The following NCOA4 variants were observed in gnomAD, a reference collection of about 807,000 sequenced individuals.
NCOA4 encodes nuclear receptor coactivator 4.
Under a neutral mutation model 69.5 loss-of-function variants are expected in NCOA4, and 31 were observed. The observed-to-expected ratio is 0.45, with a 90% CI of 0.34 to 0.60. The LOEUF is 0.60. Among genes scored for constraint, NCOA4 ranks in the 20% least tolerant of loss-of-function variants. The pLI is 0.02. For synonymous variants in NCOA4, 228 were observed against 252.4 expected, an observed-to-expected ratio of 0.90 and a Z score of 0.92; for missense variants, 600 against 719.2, an observed-to-expected ratio of 0.83 and a Z score of 1.90.
At chr10:46,009,382 T>C in intron 9 of NCOA4, 29 bp downstream of exon 9, 1 of 1,595,164 alleles carries the variant, frequency 6.3e-7, no homozygotes, top group Non-Finnish European at 8.5e-7. Context: ...AGCTATAATC[T>C]AATTTTCATG....
rs782199847 is a variant in NCOA4 at position 46,010,386 on chromosome 10, G to C, written c.1535C>G (p.Pro512Arg). The C allele has an allele frequency of 6.2e-6, 10 of 1,614,008 alleles. No individual in the cohort carries two copies. The Admixed American group carries it at 1.7e-4, about 27-fold the overall frequency. ...TTTGCCAGCTCTGTCTTCAGTACCAGGCACTTCCTTGGGACTTCCTTCTTT... is the reference window on the plus strand; with the variant it reads ...TTTGCCAGCTCTGTCTTCAGTACCACGCACTTCCTTGGGACTTCCTTCTTT... The part of the protein sequence containing the change: ...PYKEGSPKEV[P>R]GTEDRAGKQK... The change falls in exon 8 of 10, where the codon CCT becomes CGT. Residue 512 changes from proline (P) to arginine (R), a missense_variant. Coordinates refer to ENST00000581486, the MANE Select transcript of NCOA4 (RefSeq NM_001145263.2).
At position 46,016,533 on chromosome 10, in the gene NCOA4, G is replaced by A. The variant is rs782214476; in HGVS notation, c.141+7C>T. 2 of 1,494,826 alleles carry A rather than the reference G, an allele frequency of 1.3e-6. No individual in the cohort carries two copies. The highest frequency in any genetic ancestry group is 1.8e-6 in the Non-Finnish European group (2 of 1,110,362). 92.6% of individuals were successfully genotyped at this position (1,494,826 alleles called of 1,614,324 possible). On this transcript the variant is annotated splice_region_variant and intron_variant, in intron 2 of 9. Transcript: ENST00000581486. ...CAGACAACAGAAGAGAAAAGCACATGTCACACCTCTCGCAAGTTATCTTTA... is the reference window on the plus strand; with the variant it reads ...CAGACAACAGAAGAGAAAAGCACATATCACACCTCTCGCAAGTTATCTTTA...
At chr10:46,020,389 G>A (rs994863128) in intron 1 of NCOA4, among the ~76,000 whole-genome samples, 5 of 152,304 alleles carry the variant, frequency 3.3e-5, no homozygotes, top group South Asian at 4.1e-4. Context: ...AGGTTAAAGT[G>A]AGATATTATA....
chr10:46,013,670 T>C, intron 5 of NCOA4, 31 bp from the exon 6 acceptor site: 1 of 1,487,908 alleles, frequency 6.7e-7, no homozygotes. Context: ...AATCATGTTA[T>C]TTATGCTATG....
At position 46,014,845 on chromosome 10, in the gene NCOA4, G is replaced by A. The variant is rs782364143; in HGVS notation, c.371+9C>T. ...GTCAAAAGTTAAAATACGCAAAAAG[G>A]GTCATTACCTCTCCAGGCACACAGA... is the stretch of plus-strand genomic sequence containing the variant. On this transcript the variant is annotated intron_variant, in intron 4 of 9. Coordinates refer to ENST00000581486, the MANE Select transcript of NCOA4 (RefSeq NM_001145263.2). 6.2e-7 allele frequency: 1 copy of A among 1,609,072 alleles called. No homozygotes were observed. The highest frequency in any genetic ancestry group is 1.7e-5 in the Admixed American group (1 of 59,440).
rs782394483 is a variant in NCOA4, at chr10:46,010,865, T to C, written c.1056A>G (p.Gly352=). ...VKTDSCTNCQ[G]NQPKGVEIEN... The stretch of plus-strand genomic sequence containing the variant: ...CAATCTCCACACCTTTGGGCTGGTT[T>C]CCCTGACAGTTGGTACAGGAGTCAG... Residue 352 remains glycine, a synonymous_variant, in exon 8 of 10, where the codon GGA becomes GGG. Transcript: ENST00000581486. 1.2e-6 allele frequency: 2 copies of C among 1,614,006 alleles called. No individual in the cohort carries two copies. Among genetic ancestry groups the C allele is most frequent in the Non-Finnish European group, 8.5e-7 (1 of 1,179,872 alleles).
chr10:46,027,811 TAA>T (rs1840243387), intron 1 of NCOA4, among the ~76,000 whole-genome samples: 1 of 152,222 alleles, frequency 6.6e-6, no homozygotes, highest in African/African-American at 2.4e-5. Context: ...CTGTATATCC[TAA>T]AGAGTGACAA....
At chr10:46,013,493 C>A (rs1839354939) in intron 6 of NCOA4, 57 bp downstream of exon 6, 1 of 1,296,800 alleles carries the variant, frequency 7.7e-7, no homozygotes, top group Non-Finnish European at 1.1e-6. Context: ...ATATAAAACC[C>A]AAAGGAAGTA....
chr10:46,008,257 A>C (rs1838970263), intron 9 of NCOA4, among the ~76,000 whole-genome samples: 2 of 152,242 alleles, frequency 1.3e-5, no homozygotes, highest in South Asian at 2.1e-4. Context: ...CTAGCTACCT[A>C]GGTTCCTCTG....
intron 6 of NCOA4, 68 bp from the exon 7 acceptor site, chr10:46,013,094 CT>C: frequency 2.0e-6 from 3 of 1,521,648 alleles, no homozygotes; most frequent in Middle Eastern, 1.9e-4. Flanking sequence ...AAGAGCCACT[CT>C]CTAATCTTGG....
chr10:46,024,839 G>A lies in NCOA4; in HGVS notation c.-15+5687C>T, dbSNP rs573379437. On this transcript the variant is annotated intron_variant, in intron 1 of 9. Coordinates refer to ENST00000581486, the MANE Select transcript of NCOA4 (RefSeq NM_001145263.2). The stretch of plus-strand genomic sequence containing the variant: ...AGTAGATCATCTCATCTAAAGCAGC[G>A]TAGCTCTCCTATGGCTCCCCATTTG... Among the ~76,000 whole-genome samples, 12 of 152,252 alleles carry A rather than the reference G, an allele frequency of 7.9e-5. No homozygotes were observed. In the South Asian group the frequency reaches 1.4e-3, roughly 18 times the overall value.
At chr10:46,019,980 T>C (rs1839781669) in intron 1 of NCOA4, among the ~76,000 whole-genome samples, 1 of 152,162 alleles carries the variant, frequency 6.6e-6, no homozygotes, top group African/African-American at 2.4e-5. Flanking sequence ...ACTGTCAGCT[T>C]TCAGAGCCCA....
At chr10:46,011,776 G>C (rs4935213) in intron 7 of NCOA4, among the ~76,000 whole-genome samples, 2 of 151,782 alleles carry the variant, frequency 1.3e-5, no homozygotes, top group Non-Finnish European at 2.9e-5. Flanking sequence ...ATACTTGGCC[G>C]GGTACGGTGG....
intron 1 of NCOA4, among the ~76,000 whole-genome samples, chr10:46,029,888 G>A (rs558486460): frequency 1.5e-4 from 23 of 152,262 alleles, no homozygotes; most frequent in Middle Eastern, 6.8e-3. Context: ...ATGATTGCTG[G>A]TGGAATGAAC....
chr10:46,015,335 A>T (rs1839475015), intron 2 of NCOA4, 69 bp from the exon 3 acceptor site: 5 of 570,422 alleles, frequency 8.8e-6, no homozygotes, highest in East Asian at 8.8e-5. Flanking sequence ...AAGAATAGTG[A>T]GTTTCTAAAA....
At chr10:46,023,504 G>A (rs1840009874) in intron 1 of NCOA4, 1 of 985,438 alleles carries the variant, frequency 1.0e-6, no homozygotes, top group Non-Finnish European at 1.2e-6. Context: ...AGGGCGGGGA[G>A]GAGCGGAAAA....
At position 46,010,991 on chromosome 10, in the gene NCOA4, T is replaced by C. The variant is rs2132321834; in HGVS notation, c.930A>G (p.Glu310=). ...TCTCAGGCTTCCGCAGCTTATGGGA[T>C]TCCTGGGGAGTCACTAGCCAATCTG... ...DLSDWLVTPQ[E]SHKLRKPENG... The change falls in exon 8 of 10, where the codon GAA becomes GAG. Residue 310 remains glutamate, a synonymous_variant. Transcript: ENST00000581486. 3 of 1,613,974 alleles carry C rather than the reference T, an allele frequency of 1.9e-6. No homozygotes were observed. The highest frequency in any genetic ancestry group is 2.2e-5 in the South Asian group (2 of 91,074).
intron 7 of NCOA4, 48 bp from the exon 8 acceptor site, chr10:46,011,254 C>T (rs1839186022): frequency 1.3e-6 from 2 of 1,517,008 alleles, no homozygotes; most frequent in African/African-American, 2.8e-5. Context: ...ATTATGACTG[C>T]TTTGGAGATT....
At position 46,015,207 on chromosome 10, in the gene NCOA4, C is replaced by T. The variant is rs781880811; in HGVS notation, c.201G>A (p.Glu67=). 9.3e-6 allele frequency: 15 copies of T among 1,613,982 alleles called. No homozygotes were observed. The highest frequency in any genetic ancestry group is 2.5e-6 in the Non-Finnish European group (3 of 1,179,994). Residue 67 remains glutamate (E), a synonymous_variant, in exon 3 of 10, where the codon GAG becomes GAA. Coordinates refer to ENST00000581486, the MANE Select transcript of NCOA4 (RefSeq NM_001145263.2). ...SRHLECLRSR[E]VWLYEQVDLI... ...GGTCCACCTGTTCATACAGCCATAC[C>T]TCACGGCTTCTAAGACATTCCAGGT...
Sources: allele counts gnomAD v4.1 joint callset (sites outside exome capture counted in the v4.1 genomes callset), GRCh38; gene constraint gnomAD v4.1.1; transcripts MANE v1.5; gene names NCBI Gene and HGNC (gene_info 2026-07-23, HGNC 2026-07-21).